The following TACR1 variants were observed in gnomAD, a reference collection of about 807,000 sequenced individuals.
The protein encoded by TACR1 is tachykinin receptor 1.
Under a neutral mutation model 35.8 loss-of-function variants are expected in TACR1, and 25 were observed. The ratio of observed to expected loss-of-function variants is 0.70; its 90% CI spans 0.51 to 0.98. The LOEUF is 0.98. Among genes scored for constraint, TACR1 ranks in the 50% least tolerant of loss-of-function variants. TACR1 has a pLI of 0.00. For synonymous variants in TACR1, 195 were observed against 206.7 expected (o/e 0.94, Z 0.48); for missense variants, 478 against 522.9 (o/e 0.91, Z 0.84).
intron 2 of TACR1, among the ~76,000 whole-genome samples, chr2:75,089,028 TGGTTTCTA>T (rs1237809930): frequency 6.6e-6 from 1 of 152,148 alleles, no homozygotes; most frequent in Non-Finnish European, 1.5e-5. Flanking sequence ...CTGATTATAG[TGGTTTCTA>T]GTTTTAACGC....
At chr2:75,153,506 G>A (rs148882838) in intron 1 of TACR1, among the ~76,000 whole-genome samples, 165 of 152,290 alleles carry the variant, frequency 1.1e-3, no homozygotes, top group African/African-American at 3.3e-3. Flanking sequence ...TGTTAAAGGC[G>A]TTCAGTTTTA....
chr2:75,187,537 G>T lies in TACR1; in HGVS notation c.389+11009C>A, dbSNP rs1437778963. The stretch of plus-strand genomic sequence containing the variant: ...GTTTTAATTCTCTACAATCTTTCCT[G>T]TTCAAGGAGTAGGTAACTAGAATGA... On this transcript the variant is annotated intron_variant, in intron 1 of 4. Transcript: ENST00000305249. 2.0e-5 allele frequency: 3 copies of T among 152,192 alleles called. No individual in the cohort carries two copies. The East Asian group carries it at 5.8e-4, about 29-fold the overall frequency. 9.4% of individuals were successfully genotyped at this position (152,192 alleles called of 1,614,324 possible).
intron 4 of TACR1, among the ~76,000 whole-genome samples, chr2:75,050,716 C>T (rs1366166935): frequency 2.6e-5 from 4 of 152,208 alleles, no homozygotes; most frequent in African/African-American, 7.2e-5. Flanking sequence ...TTTGCCTTAC[C>T]TTGTCCTGCT....
At chr2:75,101,646 C>G (rs895500985) in intron 2 of TACR1, among the ~76,000 whole-genome samples, 1 of 152,076 alleles carries the variant, frequency 6.6e-6, no homozygotes, top group South Asian at 2.1e-4. Context: ...GCTAGGTTCT[C>G]TTTGGCAATT....
chr2:75,067,088 C>T (rs1001518570), intron 2 of TACR1, among the ~76,000 whole-genome samples: 8 of 152,034 alleles, frequency 5.3e-5, no homozygotes, highest in Admixed American at 2.6e-4. Flanking sequence ...GGAGAGGGTC[C>T]GAGGGGAGCA....
At chr2:75,160,673 T>C (rs1674984691) in intron 1 of TACR1, among the ~76,000 whole-genome samples, 2 of 150,054 alleles carry the variant, frequency 1.3e-5, no homozygotes, top group Non-Finnish European at 3.0e-5. Flanking sequence ...TGCTCCACAA[T>C]GAAAAGGAAA....
chr2:75,093,138 A>T (rs191570930), intron 2 of TACR1, among the ~76,000 whole-genome samples: 1 of 152,244 alleles, frequency 6.6e-6, no homozygotes, highest in East Asian at 1.9e-4. Context: ...AGGTGACAAT[A>T]TGTTGCAGTT....
At chr2:75,160,128 T>C (rs1018672676) in intron 1 of TACR1, among the ~76,000 whole-genome samples, 1 of 152,160 alleles carries the variant, frequency 6.6e-6, no homozygotes, top group Non-Finnish European at 1.5e-5. Context: ...AAAAGAATTG[T>C]ACCAGCAGTT....
At chr2:75,115,779 T>C (rs1465388972) in intron 2 of TACR1, among the ~76,000 whole-genome samples, 2 of 151,304 alleles carry the variant, frequency 1.3e-5, no homozygotes, top group Non-Finnish European at 2.9e-5. Context: ...TGGTGGCGGG[T>C]GCCTGTAGTC....
At chr2:75,127,169 G>T (rs769522044) in intron 1 of TACR1, among the ~76,000 whole-genome samples, 10 of 152,026 alleles carry the variant, frequency 6.6e-5, no homozygotes, top group Non-Finnish European at 1.5e-4. Flanking sequence ...TTTACCTGAG[G>T]TCACTAACAT....
intron 2 of TACR1, among the ~76,000 whole-genome samples, chr2:75,095,365 C>T (rs955737522): frequency 3.3e-5 from 5 of 152,174 alleles, no homozygotes; most frequent in African/African-American, 9.7e-5. Context: ...GCATTGTATA[C>T]TGCTCTCTTT....
At chr2:75,104,724 T>C (rs141324993) in intron 2 of TACR1, among the ~76,000 whole-genome samples, 1 of 152,120 alleles carries the variant, frequency 6.6e-6, no homozygotes, top group Admixed American at 6.5e-5. Context: ...TACAAATCAA[T>C]AACAGGAGGA....
intron 1 of TACR1, among the ~76,000 whole-genome samples, chr2:75,145,005 A>C (rs1052076629): frequency 6.6e-6 from 1 of 152,180 alleles, no homozygotes; most frequent in African/African-American, 2.4e-5. Context: ...GAAATACAAT[A>C]ATCAATACAT....
At chr2:75,093,106 A>G (rs1471467855) in intron 2 of TACR1, among the ~76,000 whole-genome samples, 1 of 152,112 alleles carries the variant, frequency 6.6e-6, no homozygotes, top group African/African-American at 2.4e-5. Flanking sequence ...TAAGAGTGCA[A>G]AGGAGAAGGG....
At chr2:75,158,791 T>C (rs904557300) in intron 1 of TACR1, among the ~76,000 whole-genome samples, 4 of 152,156 alleles carry the variant, frequency 2.6e-5, no homozygotes, top group Non-Finnish European at 5.9e-5. Context: ...GGTGAGATGC[T>C]TGCAATGTGG....
At chr2:75,102,603 C>T (rs535168823) in intron 2 of TACR1, among the ~76,000 whole-genome samples, 29 of 152,004 alleles carry the variant, frequency 1.9e-4, no homozygotes, top group African/African-American at 6.5e-4. Context: ...ATTAGGTTAT[C>T]CACAAAAGAA....
In TACR1 at chr2:75,053,650, C is replaced by T. The variant is rs755301134; in HGVS notation, c.690G>A (p.Gly230=). 1.2e-6 allele frequency: 2 copies of T among 1,600,890 alleles called. No individual in the cohort carries two copies. Among genetic ancestry groups the T allele is most frequent in the Non-Finnish European group, 8.5e-7 (1 of 1,173,314 alleles). Residue 230 remains glycine (G), a synonymous_variant, in exon 3 of 5, where the codon GGG becomes GGA. Transcript: ENST00000305249. The stretch of plus-strand genomic sequence containing the variant: ...GCTCGTGGTAGCGGTCAGAGGAGTC[C>T]CCGGGGATCTCACTGGCCCATAGTG... ...GITLWASEIP[G]DSSDRYHEQV...
At chr2:75,071,349 C>T (rs1463389420) in intron 2 of TACR1, among the ~76,000 whole-genome samples, 8 of 152,240 alleles carry the variant, frequency 5.3e-5, no homozygotes, top group Admixed American at 5.2e-4. Context: ...TTGGGATGCC[C>T]TCCCTTCTCT....
chr2:75,107,776 G>A (rs1673677722), intron 2 of TACR1, among the ~76,000 whole-genome samples: 1 of 151,930 alleles, frequency 6.6e-6, no homozygotes, highest in East Asian at 1.9e-4. Flanking sequence ...TAAATGAACT[G>A]AGTATTAAAA....
Sources: allele counts gnomAD v4.1 joint callset (sites outside exome capture counted in the v4.1 genomes callset), GRCh38; gene constraint gnomAD v4.1.1; transcripts MANE v1.5; gene names NCBI Gene and HGNC (gene_info 2026-07-23, HGNC 2026-07-21).